Variants in EPRS1 observed in about 807,000 individuals in gnomAD.
EPRS1 encodes the protein bifunctional glutamate/proline--tRNA ligase.
A neutral mutation model predicts 188.3 loss-of-function variants in EPRS1; 107 were observed. The observed-to-expected ratio is 0.57, with a 90% CI of 0.49 to 0.67. The LOEUF (loss-of-function observed/expected upper bound fraction) is 0.67. Ranked by LOEUF, EPRS1 falls within the 30% of genes least tolerant of loss-of-function variation. The pLI is 0.00. For missense variants in EPRS1, 1,577 were observed against 1,802.2 expected (o/e 0.88, Z 2.26); for synonymous variants, 596 against 593.1 (o/e 1.00, Z -0.07).
intron 6 of EPRS1, among the ~76,000 whole-genome samples, chr1:220,028,081 T>C (rs1489357989): frequency 2.0e-5 from 3 of 152,044 alleles, no homozygotes; most frequent in African/African-American, 4.8e-5. Context: ...TTTGCAACTT[T>C]GTGTAAATCT....
chr1:219,973,239 T>C lies in EPRS1; in HGVS notation c.4243A>G (p.Arg1415Gly), dbSNP rs1245907288. 1 of 1,611,160 alleles carries C rather than the reference T, an allele frequency of 6.2e-7. No homozygotes were observed. Among genetic ancestry groups the C allele is most frequent in the African/African-American group, 1.3e-5 (1 of 74,580 alleles). Reference protein sequence around the residue: ...LEDIQVTLFTRASEDLKTHMV... With the variant: ...LEDIQVTLFTGASEDLKTHMV... ...ACATAAGCAATTTTAAGAAACTACC[T>C]TGTGAAAAGGGTGACCTGGATGTCT... Residue 1415 changes from arginine to glycine, a missense_variant and splice_region_variant, in exon 29 of 32, where the codon AGG (arginine) becomes GGG (glycine). By Grantham distance (125) the Arg-to-Gly change is moderately radical. Coordinates refer to ENST00000366923, the MANE Select transcript of EPRS1 (RefSeq NM_004446.3).
chr1:220,035,986 G>A (rs916854157), intron 2 of EPRS1, among the ~76,000 whole-genome samples: 1 of 152,002 alleles, frequency 6.6e-6, no homozygotes, highest in African/African-American at 2.4e-5. Flanking sequence ...GATCACTTGA[G>A]GTCAGGAGCT....
Position 219,978,971 on chromosome 1 carries a change from T to TC in EPRS1, c.3910-253_3910-252insG, listed in dbSNP as rs1558271046. ...GTATATATATATATATATATTTTTT[T>TC]TTCCCCCCCAGCCTCCCAAGTAGCT... is the stretch of plus-strand genomic sequence containing the variant. On this transcript the variant is annotated intron_variant, in intron 27 of 31. Transcript: ENST00000366923. Among the ~76,000 whole-genome samples, 18 of 143,278 alleles carry TC rather than the reference T, an allele frequency of 1.3e-4. No homozygotes were observed. In the East Asian group the frequency reaches 2.9e-3, roughly 23 times the overall value. 94.0% of individuals were successfully genotyped at this position (143,278 alleles called of 152,430 possible).
intron 29 of EPRS1, among the ~76,000 whole-genome samples, 163 bp downstream of exon 29, chr1:219,973,075 A>C (rs1660699797): frequency 6.6e-6 from 1 of 152,144 alleles, no homozygotes; most frequent in Non-Finnish European, 1.5e-5. Context: ...AAATAACCAT[A>C]ATACAAGTAA....
At chr1:219,970,323 G>T (rs1440062507) in intron 30 of EPRS1, among the ~76,000 whole-genome samples, 1 of 152,162 alleles carries the variant, frequency 6.6e-6, no homozygotes, top group African/African-American at 2.4e-5. Flanking sequence ...AGAGATCTAT[G>T]AAGGTGGAGA....
At chr1:220,012,912 T>TC (rs1355672026) in intron 12 of EPRS1, among the ~76,000 whole-genome samples, 14 of 151,990 alleles carry the variant, frequency 9.2e-5, no homozygotes, top group East Asian at 1.9e-4. Flanking sequence ...GGGGTTTAAT[T>TC]TTCAAGAAAA....
At chr1:219,971,233 C>T (rs745748569) in intron 30 of EPRS1, among the ~76,000 whole-genome samples, 1 of 152,146 alleles carries the variant, frequency 6.6e-6, no homozygotes. Context: ...TACCAGAATA[C>T]TAAAGTCCAT....
At chr1:219,998,984 T>C (rs1661291848) in intron 17 of EPRS1, among the ~76,000 whole-genome samples, 1 of 151,632 alleles carries the variant, frequency 6.6e-6, no homozygotes, top group Non-Finnish European at 1.5e-5. Context: ...TCCAGTTTTA[T>C]GTCAAATAAA....
At position 220,020,320 on chromosome 1, in the gene EPRS1, CAAGTT is replaced by C. The variant is rs71790247; in HGVS notation, c.1116-104_1116-100del. On this transcript the variant is annotated intron_variant, in intron 9 of 31. Coordinates refer to ENST00000366923, the MANE Select transcript of EPRS1 (RefSeq NM_004446.3). Reference sequence around the variant, plus strand: ...TACTAATTTAAAATGTAATTCTTTACAAGTTAAGAGATTCTTAAAAACCAAAAGGT... The same window carrying C: ...TACTAATTTAAAATGTAATTCTTTACAAGAGATTCTTAAAAACCAAAAGGT... 8,171 of 773,790 alleles carry C rather than the reference CAAGTT, an allele frequency of 0.011. 430 individuals are homozygous for C. The African/African-American group carries it at 0.12, about 12-fold the overall frequency. The allele number at this position is 773,790 out of a possible 1,614,324, so 47.9% of individuals were successfully genotyped here. A position where few individuals can be genotyped will look rare whatever the true frequency, so the allele number is the denominator to read the frequency against.
intron 4 of EPRS1, among the ~76,000 whole-genome samples, 191 bp downstream of exon 4, chr1:220,033,311 G>C (rs982810217): frequency 6.6e-6 from 1 of 151,986 alleles, no homozygotes. Context: ...AAAAACACAG[G>C]GAATTCCCGT....
At chr1:219,997,726 G>A (rs1661264388) in intron 17 of EPRS1, among the ~76,000 whole-genome samples, 2 of 152,124 alleles carry the variant, frequency 1.3e-5, no homozygotes, top group African/African-American at 2.4e-5. Context: ...ATAAAAGGGG[G>A]ATAACCATAC....
chr1:219,973,532 A>C, intron 28 of EPRS1, 134 bp from the exon 29 acceptor site: 56 of 135,214 alleles, frequency 4.1e-4, no homozygotes, highest in East Asian at 6.9e-4. Flanking sequence ...AAAACAAGAG[A>C]AAAAAAAAAA....
rs768550044 is a variant in EPRS1 at position 220,046,424 on chromosome 1, T to G, written c.-36A>C. 6.2e-7 allele frequency: 1 copy of G among 1,613,306 alleles called. No individual in the cohort carries two copies. The highest frequency in any genetic ancestry group is 8.5e-7 in the Non-Finnish European group (1 of 1,179,776). ...CCGCTGGTCCACCTGTCAGTACGCC[T>G]GGCTCGTGCCAGAACTACGGAGGAC... On this transcript the variant is annotated 5_prime_UTR_variant, in exon 1 of 32. Transcript: ENST00000366923.
At position 220,006,221 on chromosome 1, in the gene EPRS1, T is replaced by C; in HGVS notation, c.1835A>G (p.Glu612Gly). 6.2e-7 allele frequency: 1 copy of C among 1,604,362 alleles called. No individual in the cohort carries two copies. Residue 612 changes from glutamate (E) to glycine (G), a missense_variant, in exon 15 of 32, where the codon GAG becomes GGG. Transcript: ENST00000366923. The part of the protein sequence containing the change: ...KKTTKVTWLA[E>G]TTHALPIPVI... ...TGGAATAGGAAGAGCATGTGTAGTC[T>C]CTGCAAGCCAAGTGACCTTAGTGGT...
chr1:220,016,180 C>T (rs1025917789), intron 12 of EPRS1, among the ~76,000 whole-genome samples: 2 of 151,876 alleles, frequency 1.3e-5, no homozygotes, highest in Admixed American at 6.6e-5. Flanking sequence ...CCCGTCTCCA[C>T]TAAAAATACA....
At position 219,978,693 on chromosome 1, in the gene EPRS1, G is replaced by A. The variant is rs1660826366; in HGVS notation, c.3936C>T (p.Thr1312=). Residue 1312 remains threonine, a synonymous_variant, in exon 28 of 32, where the codon ACC becomes ACT. Transcript: ENST00000366923. ...VQVVIIPCGI[T]NALSEEDKEA... ...CTTTGTCTTCTTCAGAAAGTGCATTGGTAATGCCACAAGGAATAATCACCA... is the reference window on the plus strand; with the variant it reads ...CTTTGTCTTCTTCAGAAAGTGCATTAGTAATGCCACAAGGAATAATCACCA... The A allele has an allele frequency of 2.5e-6, 4 of 1,610,300 alleles. No homozygotes were observed. Among genetic ancestry groups the A allele is most frequent in the East Asian group, 2.2e-5 (1 of 44,662 alleles).
chr1:219,994,628 TG>T (rs1316555853), intron 18 of EPRS1, among the ~76,000 whole-genome samples: 6 of 147,128 alleles, frequency 4.1e-5, no homozygotes, highest in South Asian at 4.2e-4. Flanking sequence ...AAATATGCCG[TG>T]GTAACTTCTT....
At chr1:220,019,611 AG>A (rs1661822610) in intron 10 of EPRS1, among the ~76,000 whole-genome samples, 2 of 152,224 alleles carry the variant, frequency 1.3e-5, no homozygotes, top group Admixed American at 1.3e-4. Flanking sequence ...CTTCGATTCA[AG>A]GGTATTTTAA....
intron 4 of EPRS1, among the ~76,000 whole-genome samples, chr1:220,033,129 C>T (rs1194682950): frequency 1.3e-5 from 2 of 152,078 alleles, no homozygotes; most frequent in African/African-American, 4.8e-5. Flanking sequence ...GTCACACACT[C>T]ACTGAGCAAT....
Sources: allele counts gnomAD v4.1 joint callset (sites outside exome capture counted in the v4.1 genomes callset), GRCh38; gene constraint gnomAD v4.1.1; transcripts MANE v1.5; gene names NCBI Gene and HGNC (gene_info 2026-07-23, HGNC 2026-07-21).